BRINP3: variants seen among roughly 807,000 people sequenced by gnomAD.
BRINP3 encodes BMP/retinoic acid inducible neural specific 3.
In BRINP3, 19 loss-of-function variants were observed where a neutral mutation model predicts 71.0. The observed-to-expected ratio is 0.27, with a 90% CI of 0.19 to 0.39. BRINP3 has a LOEUF of 0.39. BRINP3 is among the 10% of genes least tolerant of loss of function. BRINP3 has a pLI of 1.00. For missense variants in BRINP3, 959 were observed against 940.8 expected, an observed-to-expected ratio of 1.02 and a Z score of -0.25; for synonymous variants, 380 against 337.7, an observed-to-expected ratio of 1.13 and a Z score of -1.37.
chr1:190,118,643 T>A (rs1653352132), intron 7 of BRINP3, among the ~76,000 whole-genome samples: 1 of 152,198 alleles, frequency 6.6e-6, no homozygotes, highest in East Asian at 1.9e-4. Flanking sequence ...GAGCTGGGAT[T>A]TGAAGGGCAA....
At chr1:190,137,746 T>A (rs1397184407) in intron 7 of BRINP3, among the ~76,000 whole-genome samples, 4 of 152,164 alleles carry the variant, frequency 2.6e-5, no homozygotes, top group African/African-American at 9.7e-5. Context: ...TTCAATGTTT[T>A]AAAGAGTGGA....
chr1:190,300,467 G>C (rs1245487611), intron 2 of BRINP3, among the ~76,000 whole-genome samples: 7 of 152,076 alleles, frequency 4.6e-5, no homozygotes, highest in Non-Finnish European at 8.8e-5. Context: ...CTCCACCTCT[G>C]GGGGCAGGGC....
At chr1:190,307,681 TGAA>T (rs1166483705) in intron 2 of BRINP3, among the ~76,000 whole-genome samples, 1 of 151,632 alleles carries the variant, frequency 6.6e-6, no homozygotes, top group East Asian at 1.9e-4. Flanking sequence ...ATCAGTAATG[TGAA>T]GCACTGTTCA....
intron 2 of BRINP3, among the ~76,000 whole-genome samples, chr1:190,440,063 A>G (rs1674713584): frequency 6.6e-6 from 1 of 151,982 alleles, no homozygotes; most frequent in Non-Finnish European, 1.5e-5. Flanking sequence ...TGTAGTATAA[A>G]ATGTATTCAT....
chr1:190,303,627 A>T (rs1367879755), intron 2 of BRINP3, among the ~76,000 whole-genome samples: 1 of 151,760 alleles, frequency 6.6e-6, no homozygotes, highest in African/African-American at 2.4e-5. Flanking sequence ...TTGAGTAAAT[A>T]TTTTATAAAT....
intron 4 of BRINP3, among the ~76,000 whole-genome samples, chr1:190,246,976 C>T (rs1431609108): frequency 6.6e-6 from 1 of 151,948 alleles, no homozygotes; most frequent in Non-Finnish European, 1.5e-5. Context: ...TTATATTACT[C>T]AGGCACCTTC....
At chr1:190,452,466 T>C (rs1209251513) in intron 2 of BRINP3, among the ~76,000 whole-genome samples, 2 of 152,174 alleles carry the variant, frequency 1.3e-5, no homozygotes, top group Non-Finnish European at 2.9e-5. Flanking sequence ...AAACAGAATA[T>C]ATGCGCCTTG....
intron 6 of BRINP3, among the ~76,000 whole-genome samples, chr1:190,205,239 A>T (rs1233050314): frequency 6.6e-6 from 1 of 151,570 alleles, no homozygotes; most frequent in African/African-American, 2.4e-5. Flanking sequence ...TGATCTCCTG[A>T]GGTCATTAGA....
intron 3 of BRINP3, among the ~76,000 whole-genome samples, chr1:190,271,369 A>G (rs1662096994): frequency 6.6e-6 from 1 of 151,672 alleles, no homozygotes; most frequent in Non-Finnish European, 1.5e-5. Context: ...GAACATTAGC[A>G]TAGTAATTAT....
chr1:190,179,459 T>C (rs1380333801), intron 6 of BRINP3, among the ~76,000 whole-genome samples: 1 of 152,152 alleles, frequency 6.6e-6, no homozygotes, highest in East Asian at 1.9e-4. Context: ...TTTGTAATCT[T>C]AAATGTGATA....
At chr1:190,219,452 A>T (rs1316510794) in intron 6 of BRINP3, among the ~76,000 whole-genome samples, 2 of 152,100 alleles carry the variant, frequency 1.3e-5, no homozygotes, top group Non-Finnish European at 2.9e-5. Flanking sequence ...AGAGAAATAC[A>T]TTTCCTGAAC....
chr1:190,307,230 A>C (rs1665168610), intron 2 of BRINP3, among the ~76,000 whole-genome samples: 1 of 147,142 alleles, frequency 6.8e-6, no homozygotes, highest in African/African-American at 2.5e-5. Flanking sequence ...ATGCCCTATG[A>C]CGAACTGAGC....
chr1:190,218,050 A>C (rs1656559347), intron 6 of BRINP3, among the ~76,000 whole-genome samples: 1 of 151,956 alleles, frequency 6.6e-6, no homozygotes, highest in Non-Finnish European at 1.5e-5. Flanking sequence ...TTTTTATTTT[A>C]TTAAATTACA....
chr1:190,337,722 G>T (rs566217199), intron 2 of BRINP3, among the ~76,000 whole-genome samples: 7 of 152,140 alleles, frequency 4.6e-5, no homozygotes, highest in African/African-American at 1.7e-4. Flanking sequence ...CCTATGATGG[G>T]ATTTCACCTT....
At chr1:190,254,724 A>G (rs1660488566) in intron 4 of BRINP3, among the ~76,000 whole-genome samples, 1 of 152,146 alleles carries the variant, frequency 6.6e-6, no homozygotes, top group Admixed American at 6.6e-5. Flanking sequence ...AGCAACAGGG[A>G]CAATTTCACT....
At chr1:190,128,854 T>C (rs1654300253) in intron 7 of BRINP3, among the ~76,000 whole-genome samples, 1 of 151,806 alleles carries the variant, frequency 6.6e-6, no homozygotes, top group Admixed American at 6.6e-5. Flanking sequence ...TGAAAATTCT[T>C]CCTGACTCAA....
intron 2 of BRINP3, among the ~76,000 whole-genome samples, chr1:190,397,788 A>G (rs570172694): frequency 6.6e-6 from 1 of 151,882 alleles, no homozygotes; most frequent in Admixed American, 6.6e-5. Context: ...TCTCCTTACA[A>G]TTTATTAAGA....
chr1:190,389,144 A>G (rs1322041709), intron 2 of BRINP3, among the ~76,000 whole-genome samples: 2 of 151,772 alleles, frequency 1.3e-5, no homozygotes, highest in Non-Finnish European at 2.9e-5. Context: ...AATATTAAAC[A>G]CATATAATAA....
intron 4 of BRINP3, among the ~76,000 whole-genome samples, chr1:190,239,364 G>A (rs1658834661): frequency 6.6e-6 from 1 of 151,966 alleles, no homozygotes; most frequent in Non-Finnish European, 1.5e-5. Context: ...AATGTTGAAG[G>A]AACAATATAT....
Sources: allele counts gnomAD v4.1 joint callset (sites outside exome capture counted in the v4.1 genomes callset), GRCh38; gene constraint gnomAD v4.1.1; transcripts MANE v1.5; gene names NCBI Gene and HGNC (gene_info 2026-07-23, HGNC 2026-07-21).